CYP7B1: variants seen among roughly 807,000 people sequenced by gnomAD.
CYP7B1 encodes cytochrome P450 7B1.
CYP7B1 carries 29 observed loss-of-function variants against 42.7 expected under a neutral mutation model. That is an observed-to-expected ratio of 0.68 (90% CI 0.51 to 0.93). The LOEUF (loss-of-function observed/expected upper bound fraction) is 0.93, where lower values mean the gene tolerates loss of function less well. CYP7B1 is among the 40% of genes least tolerant of loss of function. The pLI is 0.00. For synonymous variants in CYP7B1, 235 were observed against 218.2 expected, an observed-to-expected ratio of 1.08 and a Z score of -0.68; for missense variants, 655 against 600.5, an observed-to-expected ratio of 1.09 and a Z score of -0.95.
At chr8:64,741,251 C>T (rs576713896) in intron 1 of CYP7B1, among the ~76,000 whole-genome samples, 2 of 151,812 alleles carry the variant, frequency 1.3e-5, no homozygotes, top group Non-Finnish European at 2.9e-5. Context: ...CTGGAAGATA[C>T]AGTGAAGGAG....
chr8:64,774,388 A>T (rs1804286345), intron 1 of CYP7B1, among the ~76,000 whole-genome samples: 1 of 152,186 alleles, frequency 6.6e-6, no homozygotes, highest in African/African-American at 2.4e-5. Flanking sequence ...AGACTAATAG[A>T]TTAGGAAGCT....
At chr8:64,697,418 C>T (rs1459811195) in intron 1 of CYP7B1, among the ~76,000 whole-genome samples, 1 of 152,208 alleles carries the variant, frequency 6.6e-6, no homozygotes, top group African/African-American at 2.4e-5. Flanking sequence ...TCAATCCAGA[C>T]TGTAAACTCT....
At chr8:64,616,492 C>T (rs1169573859) in intron 2 of CYP7B1, among the ~76,000 whole-genome samples, 1 of 152,118 alleles carries the variant, frequency 6.6e-6, no homozygotes, top group Non-Finnish European at 1.5e-5. Context: ...AGTTAAATAT[C>T]CTGAAGTTCT....
At chr8:64,794,471 TG>T (rs1270659523) in intron 1 of CYP7B1, among the ~76,000 whole-genome samples, 1 of 152,200 alleles carries the variant, frequency 6.6e-6, no homozygotes, top group Non-Finnish European at 1.5e-5. Context: ...TTCTGGAGCC[TG>T]GGAAGTCCAA....
At chr8:64,680,554 T>C (rs528833117) in intron 1 of CYP7B1, among the ~76,000 whole-genome samples, 6 of 143,804 alleles carry the variant, frequency 4.2e-5, no homozygotes, top group Non-Finnish European at 7.6e-5. Flanking sequence ...TGTCTACAAC[T>C]TCTAAGAATT....
intron 4 of CYP7B1, among the ~76,000 whole-genome samples, chr8:64,610,317 T>C (rs189021442): frequency 6.6e-6 from 1 of 152,234 alleles, no homozygotes; most frequent in Non-Finnish European, 1.5e-5. Flanking sequence ...CATCCCTGAG[T>C]TTCTGATGTA....
intron 1 of CYP7B1, among the ~76,000 whole-genome samples, chr8:64,671,741 T>G (rs1332168129): frequency 6.6e-6 from 1 of 152,108 alleles, no homozygotes; most frequent in African/African-American, 2.4e-5. Flanking sequence ...TATGGATACA[T>G]TCACACACAT....
chr8:64,766,829 C>A (rs1281528125), intron 1 of CYP7B1, among the ~76,000 whole-genome samples: 1 of 152,172 alleles, frequency 6.6e-6, no homozygotes, highest in African/African-American at 2.4e-5. Context: ...CATGCCATCA[C>A]CTTCACGGAG....
At chr8:64,753,426 T>G (rs955784804) in intron 1 of CYP7B1, among the ~76,000 whole-genome samples, 2 of 152,370 alleles carry the variant, frequency 1.3e-5, no homozygotes, top group South Asian at 4.1e-4. Flanking sequence ...CAAGTATATG[T>G]AGACGTTCTT....
intron 1 of CYP7B1, among the ~76,000 whole-genome samples, chr8:64,691,594 C>CA (rs1806746494): frequency 6.7e-6 from 1 of 149,726 alleles, no homozygotes; most frequent in Non-Finnish European, 1.5e-5. Flanking sequence ...GTGCCTGAGA[C>CA]ATAGTAGGTA....
intron 1 of CYP7B1, 27 bp downstream of exon 1, chr8:64,798,439 G>A (rs1444772928): frequency 6.6e-7 from 1 of 1,506,196 alleles, no homozygotes; most frequent in Non-Finnish European, 8.8e-7. Flanking sequence ...CAGGGCGCAT[G>A]CGTGGCCTGG....
intron 2 of CYP7B1, among the ~76,000 whole-genome samples, chr8:64,618,570 T>TTTCTCTCTCTCTCTCTCTCTC (rs1554525131): frequency 6.8e-6 from 1 of 146,248 alleles, no homozygotes; most frequent in African/African-American, 2.5e-5. Flanking sequence ...CACATTCATT[T>TTTCTCTCTCTCTCTCTCTCTC]TCTCTCTCTC....
intron 1 of CYP7B1, among the ~76,000 whole-genome samples, chr8:64,742,252 T>C (rs986931898): frequency 2.6e-5 from 4 of 151,632 alleles, no homozygotes; most frequent in African/African-American, 9.8e-5. Context: ...ATAGATAATC[T>C]TTGAATATTT....
chr8:64,700,309 T>G (rs1442678868), intron 1 of CYP7B1, among the ~76,000 whole-genome samples: 1 of 152,112 alleles, frequency 6.6e-6, no homozygotes, highest in African/African-American at 2.4e-5. Flanking sequence ...GGACCATCTA[T>G]GATCCTAGTA....
intron 2 of CYP7B1, among the ~76,000 whole-genome samples, chr8:64,622,286 A>T (rs1805542857): frequency 6.6e-6 from 1 of 152,268 alleles, no homozygotes; most frequent in South Asian, 2.1e-4. Context: ...AAGTAGTTAC[A>T]GGCAGAAAAA....
intron 1 of CYP7B1, among the ~76,000 whole-genome samples, chr8:64,641,165 T>A (rs940372359): frequency 2.6e-5 from 4 of 152,194 alleles, no homozygotes; most frequent in African/African-American, 9.7e-5. Flanking sequence ...ACAACATTAA[T>A]TCTCTGGAAA....
chr8:64,733,234 C>A (rs1164870708), intron 1 of CYP7B1, among the ~76,000 whole-genome samples: 5 of 152,176 alleles, frequency 3.3e-5, no homozygotes, highest in Non-Finnish European at 7.3e-5. Flanking sequence ...TAAGTGAAAT[C>A]TGACCACTTT....
At chr8:64,738,098 TA>T (rs1279555057) in intron 1 of CYP7B1, among the ~76,000 whole-genome samples, 2 of 152,198 alleles carry the variant, frequency 1.3e-5, no homozygotes, top group Non-Finnish European at 2.9e-5. Flanking sequence ...GCTGAATATG[TA>T]AAAGTAAAGC....
rs186221210 is a variant in CYP7B1, at chr8:64,730,602, G to C, written c.122+67864C>G. Among the ~76,000 whole-genome samples the C allele has an allele frequency of 3.0e-4, 45 of 152,200 alleles. No homozygotes were observed. The East Asian group carries it at 6.2e-3, about 21-fold the overall frequency. ...TAATGATTTGTGAGCTAAAGATCTG[G>C]CAGTTAAATGTATATGTTATGCAAT... On this transcript the variant is annotated intron_variant, in intron 1 of 5. Coordinates refer to ENST00000310193, the MANE Select transcript of CYP7B1 (RefSeq NM_004820.5).
Sources: allele counts gnomAD v4.1 joint callset (sites outside exome capture counted in the v4.1 genomes callset), GRCh38; gene constraint gnomAD v4.1.1; transcripts MANE v1.5; gene names NCBI Gene and HGNC (gene_info 2026-07-23, HGNC 2026-07-21).